The following CPA6 variants were observed in gnomAD, a reference collection of about 807,000 sequenced individuals.
The protein encoded by CPA6 is carboxypeptidase A6.
CPA6 carries 58 observed loss-of-function variants against 63.3 expected under a neutral mutation model. The observed-to-expected ratio is 0.92, with a 90% CI of 0.74 to 1.14. CPA6 has a LOEUF of 1.14. CPA6 is among the 50% of genes most tolerant of loss of function. CPA6 has a pLI of 0.00. For synonymous variants in CPA6, 185 were observed against 179.0 expected (o/e 1.03, Z -0.27); for missense variants, 565 against 526.6 (o/e 1.07, Z -0.71).
chr8:67,596,844 A>G (rs1430975030), intron 2 of CPA6, among the ~76,000 whole-genome samples: 1 of 152,182 alleles, frequency 6.6e-6, no homozygotes, highest in African/African-American at 2.4e-5. Flanking sequence ...GTGGAAGAAT[A>G]CAGGCCAAAT....
intron 8 of CPA6, chr8:67,483,557 T>C (rs1030759229): frequency 1.7e-6 from 1 of 577,460 alleles, no homozygotes; most frequent in Non-Finnish European, 3.1e-6. Flanking sequence ...AATTGACATA[T>C]TTAAAATCCT....
At chr8:67,581,528 T>A (rs550662375) in intron 2 of CPA6, among the ~76,000 whole-genome samples, 1 of 152,322 alleles carries the variant, frequency 6.6e-6, no homozygotes, top group East Asian at 1.9e-4. Flanking sequence ...TGGGGAAGGA[T>A]CCTCCATTTC....
At chr8:67,444,215 C>T (rs1044501869) in intron 8 of CPA6, among the ~76,000 whole-genome samples, 3 of 151,882 alleles carry the variant, frequency 2.0e-5, no homozygotes, top group South Asian at 2.1e-4. Context: ...GTCTCGATCT[C>T]CCGACCTCGT....
At chr8:67,472,591 A>G (rs1172380654) in intron 8 of CPA6, among the ~76,000 whole-genome samples, 5 of 151,634 alleles carry the variant, frequency 3.3e-5, no homozygotes, top group African/African-American at 1.2e-4. Flanking sequence ...ATGCCCAACT[A>G]ATTTTTGTAT....
intron 3 of CPA6, among the ~76,000 whole-genome samples, chr8:67,512,736 A>G (rs1024505145): frequency 6.6e-6 from 1 of 152,210 alleles, no homozygotes; most frequent in African/African-American, 2.4e-5. Context: ...CTTTGCTTTC[A>G]TATTTTATTT....
At chr8:67,560,740 T>C (rs1017517130) in intron 2 of CPA6, among the ~76,000 whole-genome samples, 4 of 152,258 alleles carry the variant, frequency 2.6e-5, no homozygotes, top group Admixed American at 2.0e-4. Flanking sequence ...CACTAGGGCC[T>C]TGAGCAAAAT....
chr8:67,740,426 C>T (rs1432679950), intron 1 of CPA6, among the ~76,000 whole-genome samples: 1 of 152,140 alleles, frequency 6.6e-6, no homozygotes, highest in Non-Finnish European at 1.5e-5. Flanking sequence ...GGGGAATAGC[C>T]AGAGAGGTAA....
At chr8:67,679,742 T>A (rs904048105) in intron 1 of CPA6, among the ~76,000 whole-genome samples, 1 of 152,226 alleles carries the variant, frequency 6.6e-6, no homozygotes, top group African/African-American at 2.4e-5. Flanking sequence ...GCTATTGAGT[T>A]CTTTTAGTTT....
intron 2 of CPA6, among the ~76,000 whole-genome samples, chr8:67,576,833 G>A (rs1813638549): frequency 6.6e-6 from 1 of 151,466 alleles, no homozygotes; most frequent in Admixed American, 6.6e-5. Context: ...CAGGTAGTAT[G>A]ACTATAGACC....
intron 2 of CPA6, among the ~76,000 whole-genome samples, chr8:67,538,124 A>G (rs1812626392): frequency 6.6e-6 from 1 of 152,224 alleles, no homozygotes; most frequent in African/African-American, 2.4e-5. Context: ...CAATTTTAGA[A>G]TAAATGTGAC....
At chr8:67,552,990 G>C (rs117471439) in intron 2 of CPA6, among the ~76,000 whole-genome samples, 2 of 152,114 alleles carry the variant, frequency 1.3e-5, no homozygotes, top group Non-Finnish European at 2.9e-5. Context: ...ATTACAAAAT[G>C]CTAATGTCAC....
chr8:67,701,149 T>A (rs1167242599), intron 1 of CPA6, among the ~76,000 whole-genome samples: 1 of 152,154 alleles, frequency 6.6e-6, no homozygotes, highest in African/African-American at 2.4e-5. Flanking sequence ...AATCTTTACT[T>A]ATATATTTAT....
Position 67,666,350 on chromosome 8 carries a change from C to T in CPA6, c.117-42099G>A, listed in dbSNP as rs117224167. Among the ~76,000 whole-genome samples, 827 of 152,198 alleles carry T rather than the reference C, an allele frequency of 5.4e-3. 1 individual carries two copies. Among genetic ancestry groups the T allele is most frequent in the Non-Finnish European group, 8.6e-3 (585 of 68,026 alleles). The stretch of plus-strand genomic sequence containing the variant: ...GACTTGCAGCAAGCTCTCCAGTGTA[C>T]AGTGCTACCCATTCCTTTTGGGAAA... On this transcript the variant is annotated intron_variant, in intron 1 of 10. Transcript: ENST00000297770.
intron 1 of CPA6, among the ~76,000 whole-genome samples, chr8:67,722,845 C>A (rs1413110996): frequency 1.3e-5 from 2 of 151,894 alleles, no homozygotes. Flanking sequence ...TGAAATACAT[C>A]ACTATGTAAT....
chr8:67,442,455 C>A (rs116254049), intron 8 of CPA6, among the ~76,000 whole-genome samples: 1,670 of 152,134 alleles, frequency 0.011, 21 homozygotes, highest in African/African-American at 0.038. Flanking sequence ...TCAGGAAAAT[C>A]TTCTTAGAGG....
chr8:67,600,867 A>G (rs1814477349), intron 2 of CPA6, among the ~76,000 whole-genome samples: 1 of 152,226 alleles, frequency 6.6e-6, no homozygotes, highest in Non-Finnish European at 1.5e-5. Context: ...ATACTTTTTC[A>G]TAAATGCAGA....
intron 1 of CPA6, among the ~76,000 whole-genome samples, chr8:67,681,961 C>G (rs1037392890): frequency 6.6e-6 from 1 of 151,550 alleles, no homozygotes; most frequent in Non-Finnish European, 1.5e-5. Flanking sequence ...GGTATTTTAA[C>G]TGGAATTGCA....
At chr8:67,480,652 GAA>G (rs1811338338) in intron 8 of CPA6, among the ~76,000 whole-genome samples, 1 of 151,656 alleles carries the variant, frequency 6.6e-6, no homozygotes, top group Admixed American at 6.6e-5. Context: ...GTCATTATGG[GAA>G]TAAATGTTTT....
In CPA6 at chr8:67,483,833, G is replaced by C; in HGVS notation, c.773C>G (p.Ser258Ter). The C allele has an allele frequency of 6.2e-7, 1 of 1,614,048 alleles. No individual in the cohort carries two copies. ...TNDRFWRKTR[S>*]RNSRFRCRGV... is the part of the protein sequence containing the mutation. ...ACGGCAGCGAAACCTTGAGTTCCTT[G>C]ACCTTGTTTTTCTCCAAAATCGATC... The change falls in exon 8 of 11, where the codon TCA (serine) becomes TGA (stop). Residue 258 changes from serine (S) to a stop codon, truncating the protein, a stop_gained. Transcript: ENST00000297770. LOFTEE classifies it high-confidence loss of function.
Sources: allele counts gnomAD v4.1 joint callset (sites outside exome capture counted in the v4.1 genomes callset), GRCh38; gene constraint gnomAD v4.1.1; transcripts MANE v1.5; gene names NCBI Gene and HGNC (gene_info 2026-07-23, HGNC 2026-07-21).